The following TTC1 variants were observed in gnomAD, a reference collection of about 807,000 sequenced individuals.
The protein encoded by TTC1 is tetratricopeptide repeat protein 1.
TTC1 carries 31 observed loss-of-function variants against 37.6 expected under a neutral mutation model. The observed-to-expected ratio is 0.82, with a 90% CI of 0.62 to 1.11. TTC1 has a LOEUF of 1.11. Among genes scored for constraint, TTC1 ranks in the 50% most tolerant of loss-of-function variants. The pLI is 0.00. For missense variants in TTC1, 351 were observed against 339.0 expected, an observed-to-expected ratio of 1.04 and a Z score of -0.28; for synonymous variants, 127 against 122.4, an observed-to-expected ratio of 1.04 and a Z score of -0.25.
chr5:160,060,399 C>G (rs899682510), intron 7 of TTC1, among the ~76,000 whole-genome samples: 1 of 152,190 alleles, frequency 6.6e-6, no homozygotes. Flanking sequence ...ATCCCTGTCT[C>G]TAAACATTCT....
Position 160,010,778 on chromosome 5 carries a change from A to T in TTC1, c.250A>T (p.Asn84Tyr). ...PGADKVENKS[N>Y]EDVNSSELDE... ...AGCGGACAAGGTTGAGAACAAATCT[A>T]ATGAAGATGTGAATTCCTCTGAACT... The change falls in exon 2 of 8, where the codon AAT becomes TAT. Residue 84 changes from asparagine to tyrosine, a missense_variant. Transcript: ENST00000231238. The T allele has an allele frequency of 3.1e-6, 5 of 1,614,238 alleles. No homozygotes were observed. The highest frequency in any genetic ancestry group is 4.2e-6 in the Non-Finnish European group (5 of 1,180,046).
rs190997243 is a variant in TTC1 at position 160,014,947 on chromosome 5, C to T, written c.330+4089C>T. Among the ~76,000 whole-genome samples, 4 of 152,296 alleles carry T rather than the reference C, an allele frequency of 2.6e-5. No individual in the cohort carries two copies. In the East Asian group the frequency reaches 7.7e-4, roughly 29 times the overall value. ...TGGTCTTTGTCCCTGGTTCCTGTTACAGAGCCACTAGAACCCTTGGAATTT... is the reference window on the plus strand; with the variant it reads ...TGGTCTTTGTCCCTGGTTCCTGTTATAGAGCCACTAGAACCCTTGGAATTT... On this transcript the variant is annotated intron_variant, in intron 2 of 7. Transcript: ENST00000231238.
Position 160,035,183 on chromosome 5 carries a change from A to T in TTC1, c.374A>T (p.Glu125Val). ...ESTRLKEEGN[E>V]QFKKGDYIEA... ...ACTAGACTAAAGGAGGAGGGAAATG[A>T]ACAGTTTAAGAAAGGAGGTAAGACG... Residue 125 changes from glutamate (E) to valine (V), a missense_variant, in exon 3 of 8, where the codon GAA (glutamate) becomes GTA (valine). Transcript: ENST00000231238. 1 of 1,607,284 alleles carries T rather than the reference A, an allele frequency of 6.2e-7. No homozygotes were observed. The highest frequency in any genetic ancestry group is 1.1e-5 in the South Asian group (1 of 89,412).
Position 160,035,133 on chromosome 5 carries a change from C to G in TTC1, c.331-7C>G. ...GAGAAATTATGTAATTCTCTGATGT[C>G]TTTCAGAAAAGAAGAGAAGAGAGCA... On this transcript the variant is annotated splice_region_variant and splice_polypyrimidine_tract_variant and intron_variant, in intron 2 of 7. Transcript: ENST00000231238. 3.1e-6 allele frequency: 5 copies of G among 1,590,334 alleles called. No homozygotes were observed. In the South Asian group the frequency reaches 4.7e-5, roughly 15 times the overall value.
At chr5:160,047,037 A>G (rs1004627146) in intron 5 of TTC1, among the ~76,000 whole-genome samples, 1 of 152,192 alleles carries the variant, frequency 6.6e-6, no homozygotes, top group Admixed American at 6.5e-5. Context: ...AGCAACAAAA[A>G]TGCAATTAAG....
intron 7 of TTC1, among the ~76,000 whole-genome samples, chr5:160,058,473 C>A (rs376182788): frequency 6.9e-6 from 1 of 144,010 alleles, no homozygotes; most frequent in Non-Finnish European, 1.5e-5. Context: ...TGCAGTGGTG[C>A]GATCTCGGCT....
chr5:160,064,523 G>C (rs1753540304), intron 7 of TTC1, among the ~76,000 whole-genome samples: 1 of 152,208 alleles, frequency 6.6e-6, no homozygotes, highest in Non-Finnish European at 1.5e-5. Flanking sequence ...AAGAGACTTG[G>C]AGGGACCTCT....
Position 160,046,603 on chromosome 5 carries a change from CATGTT to C in TTC1, c.542-2903_542-2899del, listed in dbSNP as rs575581596. Among the ~76,000 whole-genome samples the C allele has an allele frequency of 1.3e-3, 205 of 152,196 alleles. 7 individuals carry two copies. The highest frequency in any genetic ancestry group is 0.011 in the Admixed American group (174 of 15,270). On this transcript the variant is annotated intron_variant, in intron 5 of 7. Coordinates refer to ENST00000231238, the MANE Select transcript of TTC1 (RefSeq NM_003314.3). The stretch of plus-strand genomic sequence containing the variant: ...TCCACCTTGTGTGTATATTTCAAAA[CATGTT>C]ATGTTATATTTATGTTTATGTTATA...
intron 5 of TTC1, among the ~76,000 whole-genome samples, chr5:160,048,429 A>T (rs1757314221): frequency 6.6e-6 from 1 of 152,152 alleles, no homozygotes; most frequent in African/African-American, 2.4e-5. Context: ...TGCTGGGATT[A>T]TGGGCCTGAG....
chr5:160,049,437 A>G (rs1219054369), intron 5 of TTC1, 77 bp from the exon 6 acceptor site: 2 of 1,296,134 alleles, frequency 1.5e-6, no homozygotes, highest in Non-Finnish European at 2.1e-6. Context: ...AGGATGATTG[A>G]TGAAGGAATC....
intron 7 of TTC1, among the ~76,000 whole-genome samples, chr5:160,052,721 T>C (rs1221538395): frequency 6.6e-6 from 1 of 152,172 alleles, no homozygotes; most frequent in African/African-American, 2.4e-5. Flanking sequence ...TTACTGCCTA[T>C]TGTTAGTTCC....
At chr5:160,053,407 T>C (rs939393194) in intron 7 of TTC1, among the ~76,000 whole-genome samples, 1 of 151,892 alleles carries the variant, frequency 6.6e-6, no homozygotes, top group African/African-American at 2.4e-5. Context: ...ATCCTGTCAC[T>C]AAAAAAATTA....
chr5:160,014,537 A>T (rs1177068571), intron 2 of TTC1, among the ~76,000 whole-genome samples: 1 of 151,858 alleles, frequency 6.6e-6, no homozygotes, highest in Non-Finnish European at 1.5e-5. Flanking sequence ...AAAATTTTTT[A>T]AAAAGCCTTT....
intron 2 of TTC1, among the ~76,000 whole-genome samples, chr5:160,033,634 T>G (rs1222966026): frequency 6.6e-6 from 1 of 152,184 alleles, no homozygotes; most frequent in Non-Finnish European, 1.5e-5. Context: ...TTAACAATCA[T>G]GGCGGAAAGT....
chr5:160,037,369 T>C (rs1036228118), intron 4 of TTC1, among the ~76,000 whole-genome samples: 2 of 152,152 alleles, frequency 1.3e-5, no homozygotes, highest in Admixed American at 6.5e-5. Flanking sequence ...ACAAGGTGAG[T>C]ATGGAATAGG....
rs73307368 is a variant in TTC1 at position 160,017,189 on chromosome 5, A to G, written c.330+6331A>G. On this transcript the variant is annotated intron_variant, in intron 2 of 7. Coordinates refer to ENST00000231238, the MANE Select transcript of TTC1 (RefSeq NM_003314.3). The stretch of plus-strand genomic sequence containing the variant: ...AATGTAGCAGCAGAAGAGAATTGCA[A>G]TAATAACATTATGATACAAAAATTC... Among the ~76,000 whole-genome samples the G allele has an allele frequency of 4.9e-3, 752 of 152,318 alleles. 5 individuals carry two copies. Among genetic ancestry groups the G allele is most frequent in the African/African-American group, 0.017 (724 of 41,552 alleles).
chr5:160,038,263 C>T (rs896086303), intron 4 of TTC1, among the ~76,000 whole-genome samples: 3 of 152,088 alleles, frequency 2.0e-5, no homozygotes, highest in East Asian at 1.9e-4. Context: ...TTAATGTGTC[C>T]CACCAGCAAT....
At chr5:160,053,295 T>A (rs926340344) in intron 7 of TTC1, among the ~76,000 whole-genome samples, 3 of 152,220 alleles carry the variant, frequency 2.0e-5, no homozygotes, top group Non-Finnish European at 4.4e-5. Flanking sequence ...AAAAATTTTT[T>A]AAATTGGGTA....
intron 7 of TTC1, among the ~76,000 whole-genome samples, chr5:160,058,572 G>A (rs555536179): frequency 1.2e-4 from 19 of 152,016 alleles, no homozygotes; most frequent in East Asian, 5.8e-4. Context: ...CACCAAGCCC[G>A]GCTAATTTTT....
Sources: gnomAD v4.1 joint callset for allele counts (sites outside exome capture counted in the v4.1 genomes callset) on GRCh38, gnomAD v4.1.1 for gene constraint, MANE v1.5 for transcripts, NCBI Gene and HGNC (gene_info 2026-07-23, HGNC 2026-07-21) for gene names.